PSEN1: variants seen among roughly 807,000 people sequenced by gnomAD.
PSEN1 encodes the protein presenilin-1.
Under a neutral mutation model 53.5 loss-of-function variants are expected in PSEN1, and 15 were observed. That is an observed-to-expected ratio of 0.28 (90% CI 0.19 to 0.43). The LOEUF (loss-of-function observed/expected upper bound fraction) is 0.43. Ranked by LOEUF, PSEN1 falls within the 20% of genes least tolerant of loss-of-function variation. The pLI is 1.00. For synonymous variants in PSEN1, 208 were observed against 209.8 expected (o/e 0.99, Z 0.08); for missense variants, 387 against 571.2 (o/e 0.68, Z 3.29).
chr14:73,151,855 T>C (rs371559217), intron 3 of PSEN1, among the ~76,000 whole-genome samples: 4 of 143,398 alleles, frequency 2.8e-5, no homozygotes, highest in South Asian at 2.2e-4. Context: ...AGGTGTGAGC[T>C]ACTGCGCCCA....
At chr14:73,143,195 G>C (rs1260911630) in intron 1 of PSEN1, among the ~76,000 whole-genome samples, 1 of 152,150 alleles carries the variant, frequency 6.6e-6, no homozygotes, top group Non-Finnish European at 1.5e-5. Context: ...CCCTTTCTTT[G>C]TACCAGTAGC....
intron 8 of PSEN1, among the ~76,000 whole-genome samples, chr14:73,205,368 A>G (rs1382272228): frequency 2.7e-5 from 4 of 150,808 alleles, no homozygotes; most frequent in Non-Finnish European, 5.9e-5. Context: ...AGTCCCAGCT[A>G]CTCGGGAGGC....
chr14:73,145,957 A>G (rs1330000677), intron 1 of PSEN1: 5 of 152,050 alleles, frequency 3.3e-5, no homozygotes. Flanking sequence ...AAATACAAAA[A>G]TTAGCTGGAC....
intron 7 of PSEN1, among the ~76,000 whole-genome samples, chr14:73,195,603 G>A (rs1402702788): frequency 6.6e-6 from 1 of 151,666 alleles, no homozygotes; most frequent in Non-Finnish European, 1.5e-5. Context: ...ATTTTTTTCT[G>A]TTTTAAGAAA....
chr14:73,190,887 G>A (rs1898690597), intron 6 of PSEN1, among the ~76,000 whole-genome samples: 1 of 152,150 alleles, frequency 6.6e-6, no homozygotes, highest in Non-Finnish European at 1.5e-5. Context: ...TGAGGATACT[G>A]GAAATGCTTA....
chr14:73,201,958 G>A lies in PSEN1; in HGVS notation c.868+3829G>A, dbSNP rs566115873. Among the ~76,000 whole-genome samples, 9 of 152,134 alleles carry A rather than the reference G, an allele frequency of 5.9e-5. No homozygotes were observed. In the South Asian group the frequency reaches 1.9e-3, roughly 32 times the overall value. On this transcript the variant is annotated intron_variant, in intron 8 of 11. Coordinates refer to ENST00000324501, the MANE Select transcript of PSEN1 (RefSeq NM_000021.4). ...GTTGGGGTTTCGCCACATTGGCCAG[G>A]CTGGCCTTGAACTCCCCACCTCAAG...
At chr14:73,160,786 A>G (rs1302506423) in intron 3 of PSEN1, among the ~76,000 whole-genome samples, 39 of 117,842 alleles carry the variant, frequency 3.3e-4, no homozygotes, top group Admixed American at 2.6e-4. Flanking sequence ...TTTTTTTCCA[A>G]TTGTTTAATT....
chr14:73,160,016 T>C, intron 3 of PSEN1: 1 of 238,796 alleles, frequency 4.2e-6, no homozygotes, highest in Non-Finnish European at 9.2e-6. Flanking sequence ...TAGAGACGAG[T>C]TCTCGCCATA....
intron 3 of PSEN1, among the ~76,000 whole-genome samples, chr14:73,161,481 GACTCA>G (rs79916673): frequency 0.056 from 8,520 of 152,232 alleles, 320 homozygotes; most frequent in Non-Finnish European, 0.088. Context: ...TTGCTAGAAA[GACTCA>G]ACTCAGAGAA....
intron 3 of PSEN1, among the ~76,000 whole-genome samples, chr14:73,155,939 C>T (rs1411477317): frequency 1.3e-5 from 2 of 152,086 alleles, no homozygotes; most frequent in Admixed American, 6.6e-5. Flanking sequence ...TCTGTTGTAA[C>T]GGTTTACCAC....
At chr14:73,198,150 T>C (rs766482390) in intron 8 of PSEN1, 21 bp downstream of exon 8, 4 of 1,323,738 alleles carry the variant, frequency 3.0e-6, no homozygotes, top group South Asian at 2.4e-5. Context: ...GAGAAGGATA[T>C]TGAATTAGTA....
intron 3 of PSEN1, among the ~76,000 whole-genome samples, chr14:73,170,375 C>G (rs1897850288): frequency 6.6e-6 from 1 of 152,154 alleles, no homozygotes; most frequent in Non-Finnish European, 1.5e-5. Flanking sequence ...GTCCAAACGC[C>G]TCTGACACAA....
chr14:73,200,215 A>T (rs768483219), intron 8 of PSEN1, among the ~76,000 whole-genome samples: 1 of 152,070 alleles, frequency 6.6e-6, no homozygotes, highest in Non-Finnish European at 1.5e-5. Flanking sequence ...TTAGTTACAG[A>T]TCTGAATTTA....
At chr14:73,172,431 C>T (rs947975706) in intron 4 of PSEN1, among the ~76,000 whole-genome samples, 5 of 152,144 alleles carry the variant, frequency 3.3e-5, no homozygotes, top group Non-Finnish European at 5.9e-5. Context: ...GGTTTGGCAA[C>T]GTATTATAGA....
chr14:73,156,221 T>C (rs977620535), intron 3 of PSEN1, among the ~76,000 whole-genome samples: 1 of 151,862 alleles, frequency 6.6e-6, no homozygotes, highest in Non-Finnish European at 1.5e-5. Flanking sequence ...CTGGGTGTGG[T>C]GGCATGTGCC....
chr14:73,184,026 C>T (rs1351577545), intron 5 of PSEN1, among the ~76,000 whole-genome samples: 1 of 131,360 alleles, frequency 7.6e-6, no homozygotes, highest in African/African-American at 3.2e-5. Flanking sequence ...CCTCACCTCC[C>T]GGACGGGGCG....
At chr14:73,184,074 C>G (rs1332216420) in intron 5 of PSEN1, among the ~76,000 whole-genome samples, 1 of 134,998 alleles carries the variant, frequency 7.4e-6, no homozygotes, top group African/African-American at 3.0e-5. Flanking sequence ...CACCTCCCTC[C>G]CAGACGGGGC....
chr14:73,215,735 G>A (rs1899886853), intron 10 of PSEN1, among the ~76,000 whole-genome samples: 2 of 152,076 alleles, frequency 1.3e-5, no homozygotes, highest in African/African-American at 4.8e-5. Flanking sequence ...TGGCTAAAAA[G>A]CACATGAAAA....
At chr14:73,146,317 AT>A (rs969760205) in intron 1 of PSEN1, among the ~76,000 whole-genome samples, 10 of 151,352 alleles carry the variant, frequency 6.6e-5, no homozygotes, top group African/African-American at 1.9e-4. Context: ...CCTCCTGAGC[AT>A]TTGGGACTAC....
Sources: allele counts gnomAD v4.1 joint callset (sites outside exome capture counted in the v4.1 genomes callset), GRCh38; gene constraint gnomAD v4.1.1; transcripts MANE v1.5; gene names NCBI Gene and HGNC (gene_info 2026-07-23, HGNC 2026-07-21).